SLC15A2: variants seen among roughly 807,000 people sequenced by gnomAD.
SLC15A2 encodes the protein solute carrier family 15 member 2, also known as kidney H(+)/peptide cotransporter.
In SLC15A2, 77 loss-of-function variants were observed where a neutral mutation model predicts 95.5. The ratio of observed to expected loss-of-function variants is 0.81; its 90% CI spans 0.67 to 0.97. The LOEUF (loss-of-function observed/expected upper bound fraction) is 0.97. Ranked by LOEUF, SLC15A2 falls within the 50% of genes least tolerant of loss-of-function variation. The pLI is 0.00. For synonymous variants in SLC15A2, 306 were observed against 306.9 expected, an observed-to-expected ratio of 1.00 and a Z score of 0.03; for missense variants, 893 against 874.4, an observed-to-expected ratio of 1.02 and a Z score of -0.27.
At chr3:121,913,243 A>G in intron 5 of SLC15A2, 123 bp downstream of exon 5, 1 of 691,150 alleles carries the variant, frequency 1.4e-6, no homozygotes, top group Non-Finnish European at 2.5e-6. Flanking sequence ...GAGCAGTTGT[A>G]TTCAATGCTG....
intron 19 of SLC15A2, among the ~76,000 whole-genome samples, chr3:121,937,278 G>A (rs1196768104): frequency 1.0e-4 from 8 of 79,016 alleles, no homozygotes; most frequent in East Asian, 9.9e-4. Context: ...TCTTTGTGGC[G>A]TTCTCTGTAT....
intron 7 of SLC15A2, among the ~76,000 whole-genome samples, chr3:121,918,604 G>A (rs931386667): frequency 6.6e-6 from 1 of 151,934 alleles, no homozygotes; most frequent in African/African-American, 2.4e-5. Flanking sequence ...CAAACTTCAA[G>A]AAACGCCAGG....
At chr3:121,912,364 G>A (rs918515859) in intron 4 of SLC15A2, among the ~76,000 whole-genome samples, 10 of 152,156 alleles carry the variant, frequency 6.6e-5, no homozygotes, top group East Asian at 1.9e-4. Context: ...CTCCCGAGTC[G>A]CTGGGATTAC....
chr3:121,922,463 C>T (rs759512785), intron 8 of SLC15A2, among the ~76,000 whole-genome samples, 161 bp downstream of exon 8: 17 of 147,656 alleles, frequency 1.2e-4, no homozygotes, highest in Admixed American at 6.7e-4. Context: ...CTTCTTATGC[C>T]TCTACTTAAC....
In SLC15A2 at chr3:121,915,262, C is replaced by T; in HGVS notation, c.564C>T (p.Tyr188=). The part of the protein sequence containing the change: ...EERTRYFSVF[Y]LSINAGSLIS... ...GGACTAGATACTTCTCAGTCTTCTACCTGTCCATCAATGCAGGGAGCTTGA... is the reference window on the plus strand; with the variant it reads ...GGACTAGATACTTCTCAGTCTTCTATCTGTCCATCAATGCAGGGAGCTTGA... Residue 188 remains tyrosine, a synonymous_variant, in exon 6 of 22, where the codon TAC becomes TAT. Transcript: ENST00000489711. 6.2e-7 allele frequency: 1 copy of T among 1,613,920 alleles called. No individual in the cohort carries two copies. Among genetic ancestry groups the T allele is most frequent in the Non-Finnish European group, 8.5e-7 (1 of 1,179,852 alleles).
intron 13 of SLC15A2, 63 bp downstream of exon 13, chr3:121,925,096 A>G: frequency 8.7e-7 from 1 of 1,146,680 alleles, no homozygotes; most frequent in South Asian, 1.2e-5. Context: ...CCAGTTTGAA[A>G]AAGATTCAAT....
chr3:121,935,321 A>G lies in SLC15A2; in HGVS notation c.1761+3586A>G, dbSNP rs1157060079. Among the ~76,000 whole-genome samples the G allele has an allele frequency of 3.9e-5, 6 of 152,314 alleles. No individual in the cohort carries two copies. In the East Asian group the frequency reaches 7.7e-4, roughly 20 times the overall value. ...ATTCCCTCTTTTTCTATTGATTGGA[A>G]TAGTTTCAGAAGGAATGGTATCAGT... is the stretch of plus-strand genomic sequence containing the variant. On this transcript the variant is annotated intron_variant, in intron 19 of 21. Transcript: ENST00000489711.
intron 3 of SLC15A2, among the ~76,000 whole-genome samples, chr3:121,897,782 A>G (rs1709447125): frequency 6.6e-6 from 1 of 152,198 alleles, no homozygotes; most frequent in South Asian, 2.1e-4. Flanking sequence ...TTGTTCCTTA[A>G]AACTAATTTT....
intron 8 of SLC15A2, 96 bp downstream of exon 8, chr3:121,922,398 C>G (rs994611809): frequency 1.1e-6 from 1 of 890,122 alleles, no homozygotes; most frequent in African/African-American, 1.7e-5. Flanking sequence ...ACATTTTTCT[C>G]AATGACCTCT....
At chr3:121,901,000 T>C (rs972582946) in intron 3 of SLC15A2, among the ~76,000 whole-genome samples, 2 of 149,332 alleles carry the variant, frequency 1.3e-5, no homozygotes, top group African/African-American at 4.9e-5. Context: ...ATGTATAATA[T>C]ATAAGTATAT....
chr3:121,931,574 C>A (rs778696392), intron 18 of SLC15A2, 65 bp from the exon 19 acceptor site: 103 of 994,888 alleles, frequency 1.0e-4, no homozygotes, highest in African/African-American at 3.6e-4. Flanking sequence ...ATCACTTTCA[C>A]CTGGAGATGG....
intron 7 of SLC15A2, among the ~76,000 whole-genome samples, chr3:121,920,965 A>T (rs9829070): frequency 0.45 from 67,889 of 152,022 alleles, 15,696 homozygotes; most frequent in East Asian, 0.69. Context: ...AAGATGGAGT[A>T]TTTCTACTGA....
Position 121,928,542 on chromosome 3 carries a change from TC to T in SLC15A2, c.1329del (p.Lys444AsnfsTer14). Reference sequence around the variant, plus strand: ...AACAATTCTCTGTTGATAGAGTCCATCAAATCCTTTCAGGTGAGGTGTGTAC... The same window carrying T: ...AACAATTCTCTGTTGATAGAGTCCATAAATCCTTTCAGGTGAGGTGTGTAC... ...NENNSLLIES[I>X]KSFQKTPHYS... On this transcript the variant is annotated frameshift_variant, in exon 15 of 22. Coordinates refer to ENST00000489711, the MANE Select transcript of SLC15A2 (RefSeq NM_021082.4). LOFTEE classifies it high-confidence loss of function. 1 of 1,614,096 alleles carries T rather than the reference TC, an allele frequency of 6.2e-7. No individual in the cohort carries two copies. The highest frequency in any genetic ancestry group is 1.3e-5 in the African/African-American group (1 of 75,070).
intron 19 of SLC15A2, among the ~76,000 whole-genome samples, chr3:121,932,982 A>G (rs918779899): frequency 1.7e-4 from 26 of 151,650 alleles, no homozygotes; most frequent in Non-Finnish European, 2.8e-4. Flanking sequence ...TCATTGTTCA[A>G]TTCCCACCTA....
rs1402348541 is a variant in SLC15A2, at chr3:121,943,840, C to T, written c.*2833C>T. On this transcript the variant is annotated 3_prime_UTR_variant, in exon 22 of 22. Transcript: ENST00000489711. Reference sequence around the variant, plus strand: ...GTTTCTCCTAGGCTACAAACCTGCACAGCATGTTACTGTATTAAATGCTGT... The same window carrying T: ...GTTTCTCCTAGGCTACAAACCTGCATAGCATGTTACTGTATTAAATGCTGT... The T allele has an allele frequency of 6.6e-6, 1 of 152,192 alleles. No homozygotes were observed. The highest frequency in any genetic ancestry group is 1.5e-5 in the Non-Finnish European group (1 of 68,026). 9.4% of individuals were successfully genotyped at this position (152,192 alleles called of 1,614,324 possible).
chr3:121,922,325 T>C, intron 8 of SLC15A2, 23 bp downstream of exon 8: 1 of 1,597,916 alleles, frequency 6.3e-7, no homozygotes, highest in South Asian at 1.1e-5. Flanking sequence ...ATTGTTTTCT[T>C]GCCTTTTTCA....
chr3:121,912,948 T>C (rs2107584594), intron 4 of SLC15A2, 73 bp from the exon 5 acceptor site: 1 of 1,052,214 alleles, frequency 9.5e-7, no homozygotes, highest in East Asian at 2.4e-5. Context: ...TTTTCCCCTC[T>C]GCAGCTCTGT....
chr3:121,933,030 C>A (rs1243930791), intron 19 of SLC15A2, among the ~76,000 whole-genome samples: 98 of 149,584 alleles, frequency 6.6e-4, no homozygotes, highest in African/African-American at 2.3e-3. Context: ...TTTGTTCTTG[C>A]GATAGTTTAC....
chr3:121,922,379 C>A, intron 8 of SLC15A2, 77 bp downstream of exon 8: 1 of 1,126,942 alleles, frequency 8.9e-7, no homozygotes, highest in South Asian at 1.4e-5. Flanking sequence ...GGCCTTCAAA[C>A]GTGGGCATAC....
Sources: allele counts gnomAD v4.1 joint callset (sites outside exome capture counted in the v4.1 genomes callset), GRCh38; gene constraint gnomAD v4.1.1; transcripts MANE v1.5; gene names NCBI Gene and HGNC (gene_info 2026-07-23, HGNC 2026-07-21).